Variants in PRTG observed in about 807,000 individuals in gnomAD.
The protein encoded by PRTG is protogenin.
A neutral mutation model predicts 122.5 loss-of-function variants in PRTG; 67 were observed. The ratio of observed to expected loss-of-function variants is 0.55; its 90% confidence interval spans 0.45 to 0.67. PRTG has a LOEUF of 0.67. Ranked by LOEUF, PRTG falls within the 30% of genes least tolerant of loss-of-function variation. The pLI, the probability that PRTG is intolerant of heterozygous loss-of-function variation, is 0.00. For missense variants in PRTG, 1,435 were observed against 1,415.4 expected (o/e 1.01, Z -0.22); for synonymous variants, 554 against 501.1 (o/e 1.11, Z -1.41).
Position 55,673,646 on chromosome 15 carries a change from G to C in PRTG, c.1577C>G (p.Thr526Arg). The C allele has an allele frequency of 6.2e-7, 1 of 1,613,990 alleles. No homozygotes were observed. The highest frequency in any genetic ancestry group is 8.5e-7 in the Non-Finnish European group (1 of 1,179,884). Reference protein sequence around the residue: ...VPLRPPEISLTSRSPTDILIS... With the variant: ...VPLRPPEISLRSRSPTDILIS... ...GAGAATATCAGTGGGACTTCGACTT[G>C]TCAAACTAATTTCAGGAGGTCTCAG... Residue 526 changes from threonine (T) to arginine (R), a missense_variant, in exon 10 of 20, where the codon ACA (threonine) becomes AGA (arginine). Thr to Arg is a moderately conservative substitution (Grantham distance 71, BLOSUM62 -1). Transcript: ENST00000389286.
intron 2 of PRTG, among the ~76,000 whole-genome samples, chr15:55,730,437 A>G (rs765632432): frequency 1.3e-5 from 2 of 151,822 alleles, no homozygotes; most frequent in Non-Finnish European, 2.9e-5. Flanking sequence ...ATTTGATTAT[A>G]TATATTTGAA....
intron 11 of PRTG, among the ~76,000 whole-genome samples, chr15:55,668,251 T>C (rs1010745130): frequency 1.3e-5 from 2 of 152,200 alleles, no homozygotes; most frequent in African/African-American, 4.8e-5. Context: ...CTAACATCAG[T>C]GTCCTAAATG....
Position 55,730,503 on chromosome 15 carries a change from C to T in PRTG, c.397+9879G>A, listed in dbSNP as rs370612775. 8.5e-5 allele frequency among the ~76,000 whole-genome samples: 13 copies of T among 152,074 alleles called. 1 individual carries two copies. In the South Asian group the frequency reaches 2.5e-3, roughly 29 times the overall value. On this transcript the variant is annotated intron_variant, in intron 2 of 19. Coordinates refer to ENST00000389286, the MANE Select transcript of PRTG (RefSeq NM_173814.6). ...AGGGAAAAGCTTTATTTAAGCACTG[C>T]GAAGTAGTGACTATAGGCTAGATGC...
chr15:55,623,050 T>G (rs1370533502), intron 18 of PRTG, among the ~76,000 whole-genome samples: 3 of 152,236 alleles, frequency 2.0e-5, no homozygotes, highest in Non-Finnish European at 2.9e-5. Flanking sequence ...ATTACATCTG[T>G]TGAATATAAT....
rs1483221724 is a variant in PRTG at position 55,616,091 on chromosome 15, C to A, written c.*3921G>T. ...ATCTAATTTCTTTGGTATGGCAAAA[C>A]TGATTTTTAAAAGTCACTTAATGGA... On this transcript the variant is annotated 3_prime_UTR_variant, in exon 20 of 20. Coordinates refer to ENST00000389286, the MANE Select transcript of PRTG (RefSeq NM_173814.6). 6.6e-6 allele frequency: 1 copy of A among 152,116 alleles called. No homozygotes were observed. The highest frequency in any genetic ancestry group is 2.4e-5 in the African/African-American group (1 of 41,448). 9.4% of individuals were successfully genotyped at this position (152,116 alleles called of 1,614,324 possible).
chr15:55,622,627 G>T (rs1161310236), intron 18 of PRTG, among the ~76,000 whole-genome samples: 1 of 151,396 alleles, frequency 6.6e-6, no homozygotes, highest in South Asian at 2.1e-4. Context: ...TCCTGACCTC[G>T]TGATCCGCCC....
At chr15:55,731,241 T>C (rs1240089187) in intron 2 of PRTG, among the ~76,000 whole-genome samples, 1 of 152,210 alleles carries the variant, frequency 6.6e-6, no homozygotes, top group African/African-American at 2.4e-5. Flanking sequence ...CATCTCTTCC[T>C]ATTGTAAGTC....
rs2059130044 is a variant in PRTG, at chr15:55,613,648, T to C, written c.*6364A>G. 6.6e-6 allele frequency: 1 copy of C among 152,056 alleles called. No individual in the cohort carries two copies. The allele number at this position is 152,056 out of a possible 1,614,324, so 9.4% of individuals were successfully genotyped here. A position where few individuals can be genotyped will look rare whatever the true frequency, so the allele number is the denominator to read the frequency against. On this transcript the variant is annotated 3_prime_UTR_variant, in exon 20 of 20. Transcript: ENST00000389286. ...AGTCTTCTCTTTTTCGATTGGTTATTACTCTGTAGAAAGGTTGTTCTGACA... is the reference window on the plus strand; with the variant it reads ...AGTCTTCTCTTTTTCGATTGGTTATCACTCTGTAGAAAGGTTGTTCTGACA...
intron 4 of PRTG, chr15:55,681,276 T>C (rs942746831): frequency 6.6e-6 from 1 of 152,050 alleles, no homozygotes; most frequent in Non-Finnish European, 1.5e-5. Context: ...AATACATAAC[T>C]TCAGCCTCTT....
chr15:55,676,172 T>G (rs1290485899), intron 8 of PRTG, among the ~76,000 whole-genome samples: 1 of 152,092 alleles, frequency 6.6e-6, no homozygotes. Context: ...AGAGATTCTA[T>G]TAAATTTGAC....
At chr15:55,705,675 A>C (rs1286589089) in intron 2 of PRTG, among the ~76,000 whole-genome samples, 2 of 151,862 alleles carry the variant, frequency 1.3e-5, no homozygotes, top group African/African-American at 4.8e-5. Context: ...TCCTGACCTC[A>C]AGTGATCCTC....
At chr15:55,643,134 G>C (rs28377652) in intron 11 of PRTG, among the ~76,000 whole-genome samples, 2,606 of 152,002 alleles carry the variant, frequency 0.017, 88 homozygotes, top group African/African-American at 0.06. Flanking sequence ...ACTCTCCAAA[G>C]TAGTATGTTT....
At chr15:55,639,027 A>G (rs1211056515) in intron 13 of PRTG, among the ~76,000 whole-genome samples, 1 of 152,134 alleles carries the variant, frequency 6.6e-6, no homozygotes, top group African/African-American at 2.4e-5. Context: ...GCTAGAGTGC[A>G]GTAGTGGGAT....
In PRTG at chr15:55,742,898, G is replaced by C; in HGVS notation, c.34C>G (p.Arg12Gly). ...GCGCGGAGCAGCATCCCCGGCGGTC[G>C]CAGCCGGGCGAGGGGTCGCAGAGGA... ...APPLRPLARL[R>G]PPGMLLRALL... The change falls in exon 1 of 20, where the codon CGA becomes GGA. Residue 12 changes from arginine (R) to glycine (G), a missense_variant. Physicochemically the swap from Arg to Gly is moderately radical, Grantham distance 125. Transcript: ENST00000389286. The C allele has an allele frequency of 7.8e-6, 12 of 1,529,826 alleles. No individual in the cohort carries two copies. Among genetic ancestry groups the C allele is most frequent in the Non-Finnish European group, 1.1e-5 (12 of 1,137,772 alleles). The allele number at this position is 1,529,826 out of a possible 1,614,324, so 94.8% of individuals were successfully genotyped here. A position where few individuals can be genotyped will look rare whatever the true frequency, so the allele number is the denominator to read the frequency against.
intron 9 of PRTG, 90 bp downstream of exon 9, chr15:55,675,429 G>A: frequency 2.1e-6 from 2 of 944,816 alleles, no homozygotes; most frequent in Non-Finnish European, 1.5e-6. Context: ...ACCAAAAAGA[G>A]GATATTTTCT....
At chr15:55,685,721 G>T (rs1050659939) in intron 2 of PRTG, among the ~76,000 whole-genome samples, 1 of 152,134 alleles carries the variant, frequency 6.6e-6, no homozygotes. Context: ...ATTTTTCTCA[G>T]TTTTAATTTC....
At chr15:55,720,056 T>C (rs1472624071) in intron 2 of PRTG, among the ~76,000 whole-genome samples, 1 of 148,462 alleles carries the variant, frequency 6.7e-6, no homozygotes, top group Admixed American at 6.7e-5. Context: ...TGAAACTTCA[T>C]CTCAAAAAGA....
chr15:55,684,641 G>A (rs2059560219), intron 2 of PRTG, among the ~76,000 whole-genome samples: 1 of 152,154 alleles, frequency 6.6e-6, no homozygotes, highest in Non-Finnish European at 1.5e-5. Context: ...ATAGAATAAA[G>A]GAGTCTCAAG....
At position 55,639,845 on chromosome 15, in the gene PRTG, T is replaced by A; in HGVS notation, c.2138-17A>T. 1 of 1,612,508 alleles carries A rather than the reference T, an allele frequency of 6.2e-7. No homozygotes were observed. The highest frequency in any genetic ancestry group is 8.5e-7 in the Non-Finnish European group (1 of 1,179,092). On this transcript the variant is annotated splice_polypyrimidine_tract_variant and intron_variant, in intron 12 of 19. Transcript: ENST00000389286. ...CACGAACAGCTATTGAGAAAAACAA[T>A]GTTAATTTACGATACGACATAACAT...
Sources: allele counts gnomAD v4.1 joint callset (sites outside exome capture counted in the v4.1 genomes callset), GRCh38; gene constraint gnomAD v4.1.1; transcripts MANE v1.5; gene names NCBI Gene and HGNC (gene_info 2026-07-23, HGNC 2026-07-21).